The following FBXL7 variants were observed in gnomAD, a reference collection of about 807,000 sequenced individuals.
The protein encoded by FBXL7 is F-box and leucine rich repeat protein 7.
In FBXL7, 12 loss-of-function variants were observed where a neutral mutation model predicts 38.3. The observed-to-expected ratio is 0.31, with a 90% confidence interval of 0.20 to 0.51. FBXL7 has a LOEUF of 0.51. Among genes scored for constraint, FBXL7 ranks in the 20% least tolerant of loss-of-function variants. FBXL7 has a pLI of 0.98. For missense variants in FBXL7, 567 were observed against 676.4 expected, an observed-to-expected ratio of 0.84 and a Z score of 1.79; for synonymous variants, 297 against 300.9, an observed-to-expected ratio of 0.99 and a Z score of 0.13.
chr5:15,614,279 T>G (rs756859380), intron 1 of FBXL7, among the ~76,000 whole-genome samples: 3 of 115,068 alleles, frequency 2.6e-5, no homozygotes, highest in Non-Finnish European at 6.2e-5. Flanking sequence ...CTTTTCTTTT[T>G]TTTTTTTTGA....
At chr5:15,744,928 C>T (rs541419696) in intron 2 of FBXL7, among the ~76,000 whole-genome samples, 30 of 152,082 alleles carry the variant, frequency 2.0e-4, no homozygotes, top group Non-Finnish European at 3.2e-4. Flanking sequence ...AGAACTCACT[C>T]ACTATCACGA....
chr5:15,875,602 C>A (rs1740166489), intron 2 of FBXL7, among the ~76,000 whole-genome samples: 1 of 152,082 alleles, frequency 6.6e-6, no homozygotes, highest in Non-Finnish European at 1.5e-5. Flanking sequence ...AGTATATGAA[C>A]AGACACTTTT....
intron 2 of FBXL7, among the ~76,000 whole-genome samples, chr5:15,919,641 A>G (rs945669790): frequency 6.6e-6 from 1 of 152,210 alleles, no homozygotes; most frequent in African/African-American, 2.4e-5. Flanking sequence ...ACGGTTACAT[A>G]TATTTGAGTT....
chr5:15,562,551 G>A (rs1738442663), intron 1 of FBXL7, among the ~76,000 whole-genome samples: 1 of 151,816 alleles, frequency 6.6e-6, no homozygotes, highest in African/African-American at 2.4e-5. Context: ...CTTTTTTTTA[G>A]TTGGCATTAT....
chr5:15,624,378 A>T (rs1419714980), intron 2 of FBXL7, among the ~76,000 whole-genome samples: 1 of 152,032 alleles, frequency 6.6e-6, no homozygotes, highest in Non-Finnish European at 1.5e-5. Context: ...AGATATTTTA[A>T]CTGTTTTCCC....
intron 2 of FBXL7, among the ~76,000 whole-genome samples, chr5:15,638,952 C>CTA (rs1437406437): frequency 2.6e-5 from 4 of 152,150 alleles, no homozygotes; most frequent in African/African-American, 7.2e-5. Context: ...GTCGGAGCTA[C>CTA]CTAAACCAAA....
At chr5:15,620,610 C>G (rs1039390262) in intron 2 of FBXL7, among the ~76,000 whole-genome samples, 1 of 151,976 alleles carries the variant, frequency 6.6e-6, no homozygotes, top group East Asian at 1.9e-4. Flanking sequence ...CCAGCAGACC[C>G]GTTCCGAGGG....
chr5:15,561,810 T>A (rs781129923), intron 1 of FBXL7, among the ~76,000 whole-genome samples: 72 of 152,026 alleles, frequency 4.7e-4, no homozygotes, highest in Non-Finnish European at 9.6e-4. Context: ...TCACAAAAAA[T>A]CCCAAGTAGC....
chr5:15,547,099 C>T (rs1737919969), intron 1 of FBXL7, among the ~76,000 whole-genome samples: 1 of 152,142 alleles, frequency 6.6e-6, no homozygotes, highest in Admixed American at 6.5e-5. Flanking sequence ...GTGATTTTTG[C>T]AGTTAAAGTT....
In FBXL7 at chr5:15,662,760, T is replaced by C. The variant is rs1264185262; in HGVS notation, c.127+46688T>C. 2.0e-5 allele frequency among the ~76,000 whole-genome samples: 3 copies of C among 152,248 alleles called. No homozygotes were observed. In the South Asian group the frequency reaches 6.2e-4, roughly 32 times the overall value. The stretch of plus-strand genomic sequence containing the variant: ...AGCACCATTTATTGAATGTGGAGTC[T>C]TTTCCCTATTGTTTGTTTTTGTCAG... On this transcript the variant is annotated intron_variant, in intron 2 of 3. Coordinates refer to ENST00000504595, the MANE Select transcript of FBXL7 (RefSeq NM_012304.5).
intron 2 of FBXL7, among the ~76,000 whole-genome samples, chr5:15,825,174 C>G (rs994296067): frequency 6.6e-6 from 1 of 152,006 alleles, no homozygotes. Context: ...CCTTAAAAGT[C>G]CAATTTTCAG....
intron 1 of FBXL7, among the ~76,000 whole-genome samples, chr5:15,502,420 A>G (rs1194156204): frequency 1.3e-5 from 2 of 152,206 alleles, no homozygotes; most frequent in African/African-American, 4.8e-5. Flanking sequence ...AATGTTCTCC[A>G]GCTGTTATCC....
intron 2 of FBXL7, among the ~76,000 whole-genome samples, chr5:15,801,679 T>TTTG (rs1737573291): frequency 1.4e-5 from 2 of 141,206 alleles, no homozygotes; most frequent in African/African-American, 2.6e-5. Context: ...GTGTGTGTGT[T>TTTG]TGTGTGTGTG....
intron 1 of FBXL7, among the ~76,000 whole-genome samples, chr5:15,614,250 CGTTCT>C (rs200939005): frequency 0.031 from 4,607 of 148,426 alleles, 218 homozygotes; most frequent in African/African-American, 0.11. Context: ...CAATAGCTTG[CGTTCT>C]TTTCTTTTCT....
intron 2 of FBXL7, among the ~76,000 whole-genome samples, chr5:15,641,941 T>TTGTGTGTG (rs199980981): frequency 1.2e-3 from 167 of 141,612 alleles, no homozygotes; most frequent in African/African-American, 2.5e-3. Flanking sequence ...ACATAAAACC[T>TTGTGTGTG]TGTGTGTGTG....
At chr5:15,644,149 TACAG>T (rs1279115421) in intron 2 of FBXL7, among the ~76,000 whole-genome samples, 1 of 151,576 alleles carries the variant, frequency 6.6e-6, no homozygotes, top group Non-Finnish European at 1.5e-5. Context: ...CAAGGGAAAA[TACAG>T]CAGCAATGTT....
intron 2 of FBXL7, among the ~76,000 whole-genome samples, chr5:15,628,396 C>A (rs1280004126): frequency 5.9e-5 from 9 of 152,144 alleles, no homozygotes; most frequent in African/African-American, 2.2e-4. Context: ...GAAGATGTTT[C>A]CAGTATCTTG....
chr5:15,898,959 A>C (rs1268834470), intron 2 of FBXL7, among the ~76,000 whole-genome samples: 2 of 152,230 alleles, frequency 1.3e-5, no homozygotes, highest in East Asian at 3.9e-4. Flanking sequence ...AGCTTTCAAA[A>C]CCAAGATTAT....
In FBXL7 at chr5:15,512,770, A is replaced by G. The variant is rs116532642; in HGVS notation, c.37+12057A>G. On this transcript the variant is annotated intron_variant, in intron 1 of 3. Coordinates refer to ENST00000504595, the MANE Select transcript of FBXL7 (RefSeq NM_012304.5). ...TTACAGTATTGTTGACCTATTTTCA[A>G]TGATTAGTATTGAGTAGAATCTACT... Among the ~76,000 whole-genome samples, 216 of 152,334 alleles carry G rather than the reference A, an allele frequency of 1.4e-3. 1 individual carries two copies. The highest frequency in any genetic ancestry group is 5.1e-3 in the African/African-American group (213 of 41,582).
Sources: gnomAD v4.1 joint callset for allele counts (sites outside exome capture counted in the v4.1 genomes callset) on GRCh38, gnomAD v4.1.1 for gene constraint, MANE v1.5 for transcripts, NCBI Gene and HGNC (gene_info 2026-07-23, HGNC 2026-07-21) for gene names.